EFCAB10: variants seen among roughly 807,000 people sequenced by gnomAD.
EFCAB10 encodes the protein EF-hand calcium binding domain 10, also known as EF-hand calcium-binding domain-containing protein 10.
A neutral mutation model predicts 7.7 loss-of-function variants in EFCAB10; 7 were observed. That is an observed-to-expected ratio of 0.91 (90% CI 0.52 to 1.72). EFCAB10 has a LOEUF of 1.72. Ranked by LOEUF, EFCAB10 falls within the 40% of genes most tolerant of loss-of-function variation. The pLI is 0.00. For synonymous variants in EFCAB10, 52 were observed against 21.0 expected (o/e 2.47, Z -4.03); for missense variants, 112 against 61.5 (o/e 1.82, Z -2.74).
intron 1 of EFCAB10, among the ~76,000 whole-genome samples, chr7:105,574,096 T>TAC (rs1463098655): frequency 6.9e-6 from 1 of 144,198 alleles, no homozygotes; most frequent in Non-Finnish European, 1.5e-5. Flanking sequence ...ACCATATATA[T>TAC]ACACACATAC....
Position 105,581,379 on chromosome 7 carries a change from C to T in EFCAB10, c.85G>A (p.Ala29Thr), listed in dbSNP as rs1360144459. ...IKEVVSYLTS[A>T]LLFFRPEKPK... Reference sequence around the variant, plus strand: ...TTACCCGGCCGAAAGAAAAGGAGGGCGCTGGTGAGGTAGCTAACCACCTCC... The same window carrying T: ...TTACCCGGCCGAAAGAAAAGGAGGGTGCTGGTGAGGTAGCTAACCACCTCC... The change falls in exon 1 of 5, where the codon GCC becomes ACC. Residue 29 changes from alanine (A) to threonine (T), a missense_variant. Transcript: ENST00000480514. 3.6e-5 allele frequency: 25 copies of T among 702,858 alleles called. No individual in the cohort carries two copies. The highest frequency in any genetic ancestry group is 6.2e-5 in the Non-Finnish European group (24 of 384,986). 43.5% of individuals were successfully genotyped at this position (702,858 alleles called of 1,614,324 possible). A position where few individuals can be genotyped will look rare whatever the true frequency, so the allele number is the denominator to read the frequency against.
chr7:105,567,408 T>G (rs965311874), intron 4 of EFCAB10, 59 bp downstream of exon 4: 8 of 849,686 alleles, frequency 9.4e-6, no homozygotes, highest in Non-Finnish European at 1.5e-5. Flanking sequence ...TTAATGAAAC[T>G]GGAAAACTTT....
At chr7:105,572,413 A>C (rs1322660253) in intron 1 of EFCAB10, 1 of 152,178 alleles carries the variant, frequency 6.6e-6, no homozygotes, top group East Asian at 1.9e-4. Context: ...TATATATCAC[A>C]TTTTCTTTAT....
chr7:105,577,898 G>C (rs1449756480), intron 1 of EFCAB10, among the ~76,000 whole-genome samples: 1 of 152,080 alleles, frequency 6.6e-6, no homozygotes, highest in Non-Finnish European at 1.5e-5. Context: ...TTTTAGTAGA[G>C]ACAGCATTTC....
At chr7:105,571,003 C>A (rs866684636) in intron 1 of EFCAB10, 1 of 151,094 alleles carries the variant, frequency 6.6e-6, no homozygotes, top group Admixed American at 6.6e-5. Flanking sequence ...CCAGCCTGGG[C>A]GACGGAACGA....
rs746864752 is a variant in EFCAB10 at position 105,565,357 on chromosome 7, G to T, written c.*90C>A. Reference sequence around the variant, plus strand: ...GCTTGCCCGTTGCTGCTGACGTTACGAGACCATTTACTTCAGTTGGAGCAG... The same window carrying T: ...GCTTGCCCGTTGCTGCTGACGTTACTAGACCATTTACTTCAGTTGGAGCAG... On this transcript the variant is annotated 3_prime_UTR_variant, in exon 5 of 5. Transcript: ENST00000480514. 1 of 1,614,166 alleles carries T rather than the reference G, an allele frequency of 6.2e-7. No individual in the cohort carries two copies. The highest frequency in any genetic ancestry group is 1.7e-5 in the Admixed American group (1 of 60,016).
chr7:105,575,083 C>G (rs1225046213), intron 1 of EFCAB10, among the ~76,000 whole-genome samples: 1 of 150,636 alleles, frequency 6.6e-6, no homozygotes, highest in Non-Finnish European at 1.5e-5. Flanking sequence ...CCATTGCACT[C>G]CAGCCTGGGC....
chr7:105,575,375 C>G (rs557798274), intron 1 of EFCAB10, among the ~76,000 whole-genome samples: 1 of 152,204 alleles, frequency 6.6e-6, no homozygotes, highest in East Asian at 1.9e-4. Flanking sequence ...GTGGTGCAAT[C>G]TTGGCTTACT....
chr7:105,576,024 C>T (rs761766137), intron 1 of EFCAB10, among the ~76,000 whole-genome samples: 11 of 151,916 alleles, frequency 7.2e-5, no homozygotes, highest in Admixed American at 1.3e-4. Flanking sequence ...GCAACAAGAG[C>T]GAAACTCCGT....
At chr7:105,572,547 T>C (rs1791976608) in intron 1 of EFCAB10, 2 of 152,238 alleles carry the variant, frequency 1.3e-5, no homozygotes, top group Admixed American at 1.3e-4. Flanking sequence ...ATATACCCAG[T>C]GGTGGGAATG....
chr7:105,570,243 A>T (rs1791909081), intron 1 of EFCAB10, among the ~76,000 whole-genome samples: 4 of 54,430 alleles, frequency 7.3e-5, no homozygotes, highest in Non-Finnish European at 1.4e-4. Flanking sequence ...AAAAAAAAAT[A>T]TATATATATA....
intron 1 of EFCAB10, among the ~76,000 whole-genome samples, chr7:105,576,722 G>T (rs891427172): frequency 1.3e-5 from 2 of 152,128 alleles, no homozygotes; most frequent in African/African-American, 4.8e-5. Context: ...GGGATTACAG[G>T]TGTGAGCCAC....
chr7:105,575,475 A>C (rs1792055919), intron 1 of EFCAB10, among the ~76,000 whole-genome samples: 1 of 152,032 alleles, frequency 6.6e-6, no homozygotes, highest in Non-Finnish European at 1.5e-5. Flanking sequence ...TGCTCAGCTA[A>C]TTTTTGTAAC....
chr7:105,581,368 G>A lies in EFCAB10; in HGVS notation c.96C>T (p.Phe32=), dbSNP rs1410442336. Residue 32 remains phenylalanine (F), a synonymous_variant, in exon 1 of 5, where the codon TTC becomes TTT. Coordinates refer to ENST00000480514, the MANE Select transcript of EFCAB10 (RefSeq NM_001355526.2). ...VVSYLTSALL[F]FRPEKPKEYL... ...CATGGGGGCCCTTACCCGGCCGAAA[G>A]AAAAGGAGGGCGCTGGTGAGGTAGC... 1.4e-6 allele frequency: 1 copy of A among 702,986 alleles called. No homozygotes were observed. The highest frequency in any genetic ancestry group is 2.0e-5 in the Admixed American group (1 of 50,018). 43.5% of individuals were successfully genotyped at this position (702,986 alleles called of 1,614,324 possible).
intron 1 of EFCAB10, chr7:105,573,158 T>C (rs1472191557): frequency 6.6e-6 from 1 of 152,164 alleles, no homozygotes; most frequent in Admixed American, 6.5e-5. Flanking sequence ...TTCCACTGCA[T>C]CTTTTTCATC....
chr7:105,567,970 G>A, intron 3 of EFCAB10, among the ~76,000 whole-genome samples: 1 of 152,162 alleles, frequency 6.6e-6, no homozygotes, highest in African/African-American at 2.4e-5. Context: ...CAGCAGCCTG[G>A]GCAAGCGAAC....
intron 1 of EFCAB10, among the ~76,000 whole-genome samples, chr7:105,575,301 A>G (rs1027146165): frequency 1.3e-5 from 2 of 152,032 alleles, no homozygotes; most frequent in Non-Finnish European, 2.9e-5. Context: ...ATAAATATAT[A>G]TACACATACA....
intron 1 of EFCAB10, among the ~76,000 whole-genome samples, chr7:105,570,186 C>G (rs1179119062): frequency 2.3e-4 from 26 of 113,192 alleles, no homozygotes; most frequent in Non-Finnish European, 1.7e-5. Flanking sequence ...TGCACTCCAG[C>G]CTGGGCAACA....
intron 1 of EFCAB10, 37 bp downstream of exon 1, chr7:105,581,321 T>G: frequency 1.4e-6 from 1 of 701,698 alleles, no homozygotes; most frequent in Middle Eastern, 2.3e-4. Context: ...GAACCCCACA[T>G]GGAGGTATGG....
Sources: allele counts gnomAD v4.1 joint callset (sites outside exome capture counted in the v4.1 genomes callset), GRCh38; gene constraint gnomAD v4.1.1; transcripts MANE v1.5; gene names NCBI Gene and HGNC (gene_info 2026-07-23, HGNC 2026-07-21).